Variants in ZNF804B observed in about 807,000 individuals in gnomAD.
ZNF804B encodes the protein zinc finger protein 804B.
A neutral mutation model predicts 101.4 loss-of-function variants in ZNF804B; 80 were observed. That is an observed-to-expected ratio of 0.79 (90% CI 0.66 to 0.95). The LOEUF (loss-of-function observed/expected upper bound fraction) is 0.95, where lower values mean the gene tolerates loss of function less well. Ranked by LOEUF, ZNF804B falls within the 40% of genes least tolerant of loss-of-function variation. ZNF804B has a pLI of 0.00. For synonymous variants in ZNF804B, 622 were observed against 558.8 expected, an observed-to-expected ratio of 1.11 and a Z score of -1.59; for missense variants, 1,673 against 1,561.9, an observed-to-expected ratio of 1.07 and a Z score of -1.20.
intron 1 of ZNF804B, among the ~76,000 whole-genome samples, chr7:88,966,252 A>G (rs1391092091): frequency 1.3e-5 from 2 of 151,692 alleles, no homozygotes; most frequent in African/African-American, 4.8e-5. Flanking sequence ...TGTTGCATAT[A>G]CTTCTTAAGT....
In ZNF804B at chr7:89,125,028, G is replaced by A. The variant is rs948930924; in HGVS notation, c.109-93127G>A. ...GAAGAAAAGGACTTTGGAGACAATTGTTGTTTTTTTTTTTTTTTAGTTTTA... is the reference window on the plus strand; with the variant it reads ...GAAGAAAAGGACTTTGGAGACAATTATTGTTTTTTTTTTTTTTTAGTTTTA... On this transcript the variant is annotated intron_variant, in intron 1 of 3. Coordinates refer to ENST00000333190, the MANE Select transcript of ZNF804B (RefSeq NM_181646.5). Among the ~76,000 whole-genome samples the A allele has an allele frequency of 3.4e-5, 5 of 145,604 alleles. No homozygotes were observed. The South Asian group carries it at 6.5e-4, about 19-fold the overall frequency.
intron 1 of ZNF804B, among the ~76,000 whole-genome samples, chr7:88,880,365 C>A (rs1326562705): frequency 6.6e-6 from 1 of 152,122 alleles, no homozygotes; most frequent in African/African-American, 2.4e-5. Flanking sequence ...AAGCAGATGA[C>A]AAGTTGAAAA....
At chr7:88,769,344 T>C (rs975782184) in intron 1 of ZNF804B, among the ~76,000 whole-genome samples, 2 of 152,226 alleles carry the variant, frequency 1.3e-5, no homozygotes, top group Non-Finnish European at 2.9e-5. Context: ...ACTGTTTTCA[T>C]GGCAATTTTT....
chr7:88,893,379 A>G (rs1254014364), intron 1 of ZNF804B, among the ~76,000 whole-genome samples: 2 of 152,118 alleles, frequency 1.3e-5, no homozygotes, highest in Non-Finnish European at 2.9e-5. Flanking sequence ...TTATTATTGA[A>G]ATATGAACCC....
intron 1 of ZNF804B, among the ~76,000 whole-genome samples, chr7:89,104,776 T>C (rs972815305): frequency 2.6e-5 from 4 of 152,112 alleles, no homozygotes; most frequent in African/African-American, 9.7e-5. Context: ...TAGCCTAATG[T>C]TTTTATTAAT....
intron 1 of ZNF804B, among the ~76,000 whole-genome samples, chr7:89,045,018 C>G (rs1011781331): frequency 2.0e-5 from 3 of 152,188 alleles, no homozygotes; most frequent in Admixed American, 6.5e-5. Flanking sequence ...AAATGGTTTC[C>G]TGTGCTGGAC....
chr7:89,019,391 A>G (rs57805355), intron 1 of ZNF804B, among the ~76,000 whole-genome samples: 8,346 of 152,096 alleles, frequency 0.055, 542 homozygotes, highest in African/African-American at 0.16. Context: ...TGTGTTTTGT[A>G]TTCTAACATA....
chr7:89,084,751 A>G (rs557984367), intron 1 of ZNF804B, among the ~76,000 whole-genome samples: 1 of 151,976 alleles, frequency 6.6e-6, no homozygotes, highest in East Asian at 1.9e-4. Flanking sequence ...CTACCTACAT[A>G]GATATAAAAC....
At chr7:89,283,816 G>A (rs1790135754) in intron 2 of ZNF804B, among the ~76,000 whole-genome samples, 1 of 151,726 alleles carries the variant, frequency 6.6e-6, no homozygotes. Flanking sequence ...GCATTGCATG[G>A]GGCCACTTAT....
At chr7:88,989,162 T>TTTTG (rs201024470) in intron 1 of ZNF804B, among the ~76,000 whole-genome samples, 3,437 of 151,908 alleles carry the variant, frequency 0.023, 134 homozygotes, top group African/African-American at 0.078. Context: ...AGCTAGGACT[T>TTTTG]AATTTTTTGT....
At chr7:89,054,220 A>G (rs1209335385) in intron 1 of ZNF804B, among the ~76,000 whole-genome samples, 1 of 150,818 alleles carries the variant, frequency 6.6e-6, no homozygotes, top group East Asian at 1.9e-4. Context: ...TTAGGAAATT[A>G]ATTGCTGTCT....
intron 1 of ZNF804B, among the ~76,000 whole-genome samples, chr7:88,789,382 C>A (rs565933789): frequency 6.6e-6 from 1 of 152,156 alleles, no homozygotes; most frequent in South Asian, 2.1e-4. Context: ...AATCACAAGA[C>A]CCTAAATGGG....
chr7:89,121,478 T>C (rs754195723), intron 1 of ZNF804B, among the ~76,000 whole-genome samples: 19 of 152,112 alleles, frequency 1.2e-4, no homozygotes, highest in Non-Finnish European at 2.6e-4. Flanking sequence ...TACAAACAGT[T>C]AAAAAATTAT....
Position 88,768,826 on chromosome 7 carries a change from A to T in ZNF804B, c.108+8742A>T, listed in dbSNP as rs111509734. On this transcript the variant is annotated intron_variant, in intron 1 of 3. Coordinates refer to ENST00000333190, the MANE Select transcript of ZNF804B (RefSeq NM_181646.5). ...CTTTGGGTATTACTTCTGGCCACTG[A>T]TAGAGGGACAATATTACATGAGGAT... 1.4e-4 allele frequency among the ~76,000 whole-genome samples: 22 copies of T among 152,356 alleles called. 2 individuals are homozygous for T. The highest frequency in any genetic ancestry group is 4.8e-4 in the African/African-American group (20 of 41,578).
chr7:88,909,639 C>T (rs1424377586), intron 1 of ZNF804B, among the ~76,000 whole-genome samples: 8 of 151,800 alleles, frequency 5.3e-5, no homozygotes, highest in South Asian at 2.1e-4. Context: ...GATTTTATGT[C>T]GCACAGGCTT....
At chr7:88,947,237 T>C (rs1793147856) in intron 1 of ZNF804B, among the ~76,000 whole-genome samples, 1 of 151,968 alleles carries the variant, frequency 6.6e-6, no homozygotes, top group Non-Finnish European at 1.5e-5. Context: ...GCAGCACTGT[T>C]CACAATAGCA....
intron 1 of ZNF804B, among the ~76,000 whole-genome samples, chr7:89,051,217 T>A (rs1426642313): frequency 6.7e-6 from 1 of 149,806 alleles, no homozygotes. Flanking sequence ...GTTATTTCAG[T>A]AAAAAAAAAA....
chr7:88,992,655 A>G (rs1281610263), intron 1 of ZNF804B, among the ~76,000 whole-genome samples: 2 of 152,100 alleles, frequency 1.3e-5, no homozygotes, highest in East Asian at 1.9e-4. Flanking sequence ...CATTAACTCA[A>G]AGTCAACTGA....
intron 1 of ZNF804B, among the ~76,000 whole-genome samples, chr7:89,105,385 A>G (rs1011406043): frequency 6.6e-6 from 1 of 152,114 alleles, no homozygotes; most frequent in African/African-American, 2.4e-5. Flanking sequence ...TTCCATGGAT[A>G]GCTTTTAACT....
Sources: gnomAD v4.1 joint callset for allele counts (sites outside exome capture counted in the v4.1 genomes callset) on GRCh38, gnomAD v4.1.1 for gene constraint, MANE v1.5 for transcripts, NCBI Gene and HGNC (gene_info 2026-07-23, HGNC 2026-07-21) for gene names.